COL28A1: variants seen among roughly 807,000 people sequenced by gnomAD.
COL28A1 encodes collagen alpha-1(XXVIII) chain.
In COL28A1, 161 loss-of-function variants were observed where a neutral mutation model predicts 150.2. The observed-to-expected ratio is 1.07, with a 90% CI of 0.94 to 1.22. The LOEUF (loss-of-function observed/expected upper bound fraction) is 1.22. Ranked by LOEUF, COL28A1 falls within the 50% of genes most tolerant of loss-of-function variation. The pLI, the probability that COL28A1 is intolerant of heterozygous loss-of-function variation, is 0.00. For synonymous variants in COL28A1, 552 were observed against 469.7 expected (o/e 1.18, Z -2.26); for missense variants, 1,617 against 1,388.3 (o/e 1.16, Z -2.62).
In COL28A1 at chr7:7,505,444, C is replaced by G. The variant is rs554855672; in HGVS notation, c.1026+570G>C. On this transcript the variant is annotated intron_variant, in intron 11 of 34. Coordinates refer to ENST00000399429, the MANE Select transcript of COL28A1 (RefSeq NM_001037763.3). ...TCATTGGAAAAGAGAGCCTTATAAC[C>G]AGGCCTTTAAAGATCCCTCCCATCT... 3.3e-5 allele frequency among the ~76,000 whole-genome samples: 5 copies of G among 152,268 alleles called. No homozygotes were observed. In the East Asian group the frequency reaches 9.6e-4, roughly 29 times the overall value.
At chr7:7,507,759 CT>C (rs1764872363) in intron 9 of COL28A1, among the ~76,000 whole-genome samples, 1 of 152,016 alleles carries the variant, frequency 6.6e-6, no homozygotes, top group South Asian at 2.1e-4. Flanking sequence ...AATTGACACA[CT>C]TTGACAATTA....
At position 7,431,674 on chromosome 7, in the gene COL28A1, T is replaced by C. The variant is rs1261565648; in HGVS notation, c.1998+799A>G. The C allele has an allele frequency of 8.5e-6, 4 of 470,040 alleles. No homozygotes were observed. The Admixed American group carries it at 9.4e-5, about 11-fold the overall frequency. 29.1% of individuals were successfully genotyped at this position (470,040 alleles called of 1,614,324 possible). The stretch of plus-strand genomic sequence containing the variant: ...GAAAGAGAAGCCACCAGGGTGTTTC[T>C]AGGAAGGAATGGTATATGCTCTGAT... On this transcript the variant is annotated intron_variant, in intron 25 of 34. Coordinates refer to ENST00000399429, the MANE Select transcript of COL28A1 (RefSeq NM_001037763.3).
At chr7:7,455,428 T>C (rs1217453855) in intron 16 of COL28A1, among the ~76,000 whole-genome samples, 1 of 152,208 alleles carries the variant, frequency 6.6e-6, no homozygotes, top group Non-Finnish European at 1.5e-5. Flanking sequence ...TCAGAAGATT[T>C]TGGAAATGGT....
Position 7,531,533 on chromosome 7 carries a change from G to T in COL28A1, c.496C>A (p.Pro166Thr). 1 of 1,611,508 alleles carries T rather than the reference G, an allele frequency of 6.2e-7. No homozygotes were observed. The highest frequency in any genetic ancestry group is 8.5e-7 in the Non-Finnish European group (1 of 1,177,796). ...VLLMTDGIDH[P>T]KNPDVQSISE... ...ATACTTTGAACATCTGGATTCTTTG[G>T]ATGGTCGATGCCATCAGTCATCAGC... Residue 166 changes from proline to threonine, a missense_variant, in exon 3 of 35, where the codon CCA becomes ACA. Transcript: ENST00000399429.
At chr7:7,424,715 C>G (rs1348799256) in intron 25 of COL28A1, among the ~76,000 whole-genome samples, 2 of 152,072 alleles carry the variant, frequency 1.3e-5, no homozygotes, top group African/African-American at 4.8e-5. Flanking sequence ...TGCACCCACT[C>G]TCTCAAAAGA....
intron 10 of COL28A1, 78 bp from the exon 11 acceptor site, chr7:7,506,145 G>T: frequency 1.2e-6 from 1 of 834,458 alleles, no homozygotes; most frequent in South Asian, 1.4e-5. Flanking sequence ...AGGGTCCCTA[G>T]AGATCCTGGC....
intron 15 of COL28A1, among the ~76,000 whole-genome samples, chr7:7,464,999 A>C (rs1000687076): frequency 3.9e-5 from 6 of 152,180 alleles, no homozygotes; most frequent in Non-Finnish European, 7.3e-5. Flanking sequence ...CCAAGCAGAA[A>C]TCCAAAAGAT....
chr7:7,441,739 T>A (rs1384991916), intron 20 of COL28A1, among the ~76,000 whole-genome samples: 1 of 152,160 alleles, frequency 6.6e-6, no homozygotes, highest in Non-Finnish European at 1.5e-5. Context: ...CAGGTGATGC[T>A]GATGCTGCTG....
chr7:7,543,076 A>C, the COL28A1 span, among the ~76,000 whole-genome samples: 2 of 152,230 alleles, frequency 1.3e-5, no homozygotes, highest in African/African-American at 4.8e-5. Context: ...TATGGTATAA[A>C]ATTTTCAAAT....
At chr7:7,442,392 C>T (rs941253690) in intron 20 of COL28A1, among the ~76,000 whole-genome samples, 2 of 152,096 alleles carry the variant, frequency 1.3e-5, no homozygotes, top group African/African-American at 2.4e-5. Context: ...ACTCCAAGCG[C>T]CTATTTTCCA....
At chr7:7,489,580 A>G (rs1251889638) in intron 12 of COL28A1, 123 bp from the exon 13 acceptor site, 1 of 663,500 alleles carries the variant, frequency 1.5e-6, no homozygotes, top group Non-Finnish European at 2.6e-6. Flanking sequence ...TGGTTTTCAT[A>G]AAGGTAAAAA....
Position 7,531,446 on chromosome 7 carries a change from T to G in COL28A1, c.583A>C (p.Asn195His). 1 of 1,600,438 alleles carries G rather than the reference T, an allele frequency of 6.2e-7. No homozygotes were observed. Among genetic ancestry groups the G allele is most frequent in the Non-Finnish European group, 8.6e-7 (1 of 1,167,932 alleles). Reference sequence around the variant, plus strand: ...GAAATCAAACGAAGTTTGGCTTCATTGACTACCGTAGAAAGTGCAATGGTG... The same window carrying G: ...GAAATCAAACGAAGTTTGGCTTCATGGACTACCGTAGAAAGTGCAATGGTG... The part of the protein sequence containing the change: ...FITIALSTVV[N>H]EAKLRLISGD... The change falls in exon 3 of 35, where the codon AAT becomes CAT. Residue 195 changes from asparagine (N) to histidine (H), a missense_variant. Physicochemically the swap from Asn to His is moderately conservative, Grantham distance 68. Coordinates refer to ENST00000399429, the MANE Select transcript of COL28A1 (RefSeq NM_001037763.3).
chr7:7,416,651 G>A (rs1384486372), intron 27 of COL28A1, among the ~76,000 whole-genome samples: 1 of 152,156 alleles, frequency 6.6e-6, no homozygotes, highest in Admixed American at 6.5e-5. Context: ...TACAATATGG[G>A]CAACATGCCT....
At chr7:7,400,972 TTGGGTGTGTGTGTGTG>T (rs1157701310) in intron 27 of COL28A1, among the ~76,000 whole-genome samples, 1 of 74,000 alleles carries the variant, frequency 1.4e-5, no homozygotes, top group African/African-American at 5.0e-5. Flanking sequence ...GTGTGGGTAT[TTGGGTGTGTGTGTGTG>T]TGTGTGTGTG....
intron 28 of COL28A1, 97 bp downstream of exon 28, chr7:7,381,447 G>T: frequency 1.2e-6 from 1 of 808,090 alleles, no homozygotes. Flanking sequence ...GAGTTGTAAG[G>T]GGAAGAGTGA....
At chr7:7,505,068 C>G (rs1467017653) in intron 11 of COL28A1, among the ~76,000 whole-genome samples, 1 of 152,182 alleles carries the variant, frequency 6.6e-6, no homozygotes, top group East Asian at 1.9e-4. Flanking sequence ...TAAGCACATG[C>G]CTGCTGAGAA....
At chr7:7,365,578 C>T (rs1480056832) in intron 33 of COL28A1, among the ~76,000 whole-genome samples, 2 of 152,204 alleles carry the variant, frequency 1.3e-5, no homozygotes, top group South Asian at 2.1e-4. Context: ...CCAGGTGCCA[C>T]ATCCAAAAGG....
chr7:7,456,558 TGAA>T (rs1408081379), intron 15 of COL28A1, among the ~76,000 whole-genome samples: 1 of 152,188 alleles, frequency 6.6e-6, no homozygotes, highest in Non-Finnish European at 1.5e-5. Flanking sequence ...ATTTTGAAAA[TGAA>T]GAAATGATCT....
Position 7,377,818 on chromosome 7 carries a change from A to AC in COL28A1, c.2323-2322_2323-2321insG, listed in dbSNP as rs113309253. Among the ~76,000 whole-genome samples the AC allele has an allele frequency of 9.6e-3, 1,451 of 151,516 alleles. 25 individuals carry two copies. The highest frequency in any genetic ancestry group is 0.034 in the African/African-American group (1,397 of 41,216). On this transcript the variant is annotated intron_variant, in intron 30 of 34. Transcript: ENST00000399429. ...CTCAATAATTCACGCAAAAAAAAAAAAAAAACCAGACATCAGAAGGCTGTG... is the reference window on the plus strand; with the variant it reads ...CTCAATAATTCACGCAAAAAAAAAAACAAAAACCAGACATCAGAAGGCTGTG...
Sources: allele counts gnomAD v4.1 joint callset (sites outside exome capture counted in the v4.1 genomes callset), GRCh38; gene constraint gnomAD v4.1.1; transcripts MANE v1.5; gene names NCBI Gene and HGNC (gene_info 2026-07-23, HGNC 2026-07-21).